CRYBA4: variants seen among roughly 807,000 people sequenced by gnomAD.
The protein encoded by CRYBA4 is beta-crystallin A4.
A neutral mutation model predicts 31.7 loss-of-function variants in CRYBA4; 30 were observed. That is an observed-to-expected ratio of 0.95 (90% CI 0.71 to 1.28). The LOEUF is 1.28. Ranked by LOEUF, CRYBA4 falls within the 50% of genes most tolerant of loss-of-function variation. The pLI, the probability that CRYBA4 is intolerant of heterozygous loss-of-function variation, is 0.00. For missense variants in CRYBA4, 225 were observed against 260.7 expected (o/e 0.86, Z 0.94); for synonymous variants, 102 against 102.3 (o/e 1.00, Z 0.02).
intron 4 of CRYBA4, among the ~76,000 whole-genome samples, chr22:26,627,967 C>G (rs998044937): frequency 6.6e-6 from 1 of 152,132 alleles, no homozygotes; most frequent in Admixed American, 6.6e-5. Flanking sequence ...TTTTTCTTAA[C>G]CACAGTGTAA....
the CRYBA4 span, among the ~76,000 whole-genome samples, chr22:26,597,687 G>C: frequency 6.6e-6 from 1 of 152,248 alleles, no homozygotes; most frequent in East Asian, 1.9e-4. Context: ...ATTAACTGTT[G>C]ATATGGGAAA....
the CRYBA4 span, among the ~76,000 whole-genome samples, chr22:26,593,003 C>A: frequency 6.6e-6 from 1 of 152,148 alleles, no homozygotes; most frequent in East Asian, 1.9e-4. Context: ...ATCTGTCTGT[C>A]ACCTCCTTGA....
chr22:26,615,486 C>G, the CRYBA4 span, among the ~76,000 whole-genome samples: 1 of 152,018 alleles, frequency 6.6e-6, no homozygotes, highest in Non-Finnish European at 1.5e-5. Flanking sequence ...TATTGCACAA[C>G]TCAACTATAG....
the CRYBA4 span, among the ~76,000 whole-genome samples, chr22:26,609,628 A>C: frequency 1.3e-5 from 2 of 152,272 alleles, no homozygotes; most frequent in Admixed American, 6.5e-5. Context: ...GAATGGATGT[A>C]TGTATGGATA....
chr22:26,627,666 T>G (rs983488978), intron 4 of CRYBA4, among the ~76,000 whole-genome samples: 5 of 143,510 alleles, frequency 3.5e-5, no homozygotes, highest in African/African-American at 1.4e-4. Flanking sequence ...TTCTTTCTTT[T>G]GATGGAGTTT....
At chr22:26,613,762 A>G in the CRYBA4 span, among the ~76,000 whole-genome samples, 8 of 152,334 alleles carry the variant, frequency 5.3e-5, no homozygotes, top group African/African-American at 7.2e-5. Context: ...GATAACAGCA[A>G]TTGTTCAGGG....
At chr22:26,620,008 T>C (rs1261611227), upstream of CRYBA4, among the ~76,000 whole-genome samples, 3 of 151,516 alleles carry the variant, frequency 2.0e-5, no homozygotes, top group Non-Finnish European at 4.4e-5. Context: ...CTTTTCTTTT[T>C]TTTTTTTTGC....
At chr22:26,611,941 T>C in the CRYBA4 span, 2 of 750,452 alleles carry the variant, frequency 2.7e-6, no homozygotes, top group Non-Finnish European at 4.9e-6. Context: ...GATATGAGGA[T>C]TGGACATAAT....
Position 26,628,332 on chromosome 22 carries a change from C to T in CRYBA4, c.345C>T (p.Phe115=), listed in dbSNP as rs143888002. The T allele has an allele frequency of 1.0e-4, 164 of 1,613,946 alleles. 2 individuals carry two copies. In the African/African-American group the frequency reaches 2.1e-3, roughly 21 times the overall value. Residue 115 remains phenylalanine (F), a synonymous_variant, in exon 5 of 6, where the codon TTC becomes TTT. Transcript: ENST00000354760. ...TGACAATCTTCGAGCAAGAGAACTT[C>T]CTGGGCAAGAAAGGAGAGCTGAGCG... The part of the protein sequence containing the change: ...SRLTIFEQEN[F]LGKKGELSDD...
At chr22:26,619,112 A>G (rs555981665), upstream of CRYBA4, among the ~76,000 whole-genome samples, 1 of 152,290 alleles carries the variant, frequency 6.6e-6, no homozygotes, top group South Asian at 2.1e-4. Context: ...TGGTGACTCA[A>G]TGGTGGTTCC....
chr22:26,623,151 C>A, intron 2 of CRYBA4, 83 bp from the exon 3 acceptor site: 2 of 1,154,446 alleles, frequency 1.7e-6, no homozygotes, highest in South Asian at 1.2e-5. Flanking sequence ...GCTTTACCTG[C>A]CAGATCCTGG....
intron 3 of CRYBA4, among the ~76,000 whole-genome samples, chr22:26,624,371 G>A (rs947980088): frequency 2.6e-5 from 4 of 152,294 alleles, no homozygotes; most frequent in South Asian, 4.1e-4. Context: ...AGGCAATGTG[G>A]CCAGTAGCTA....
chr22:26,622,940 G>A (rs903191757), intron 2 of CRYBA4, among the ~76,000 whole-genome samples: 2 of 152,162 alleles, frequency 1.3e-5, no homozygotes, highest in African/African-American at 4.8e-5. Flanking sequence ...GCCTTTAAAA[G>A]CCTGGAAGAA....
At chr22:26,626,506 C>G (rs1929709473) in intron 4 of CRYBA4, among the ~76,000 whole-genome samples, 1 of 152,192 alleles carries the variant, frequency 6.6e-6, no homozygotes, top group South Asian at 2.1e-4. Context: ...ACATAAGTCA[C>G]CATATTTACC....
At chr22:26,595,471 C>T in the CRYBA4 span, among the ~76,000 whole-genome samples, 5 of 151,472 alleles carry the variant, frequency 3.3e-5, no homozygotes, top group Admixed American at 2.6e-4. Flanking sequence ...CCCAGCTACT[C>T]GGGAGGCTGA....
intron 4 of CRYBA4, among the ~76,000 whole-genome samples, chr22:26,627,632 C>CT (rs1305527584): frequency 2.1e-4 from 28 of 131,530 alleles, no homozygotes; most frequent in African/African-American, 7.8e-4. Context: ...TTCCTTCCTT[C>CT]CTTCTCTCTC....
the CRYBA4 span, among the ~76,000 whole-genome samples, chr22:26,602,967 C>G: frequency 4.6e-5 from 7 of 150,696 alleles, no homozygotes; most frequent in South Asian, 2.1e-4. Flanking sequence ...ACTAAAAATA[C>G]AAAAAAAATT....
upstream of CRYBA4, chr22:26,621,929 C>T (rs931073050): frequency 1.0e-6 from 1 of 984,700 alleles, no homozygotes; most frequent in Non-Finnish European, 1.2e-6. Context: ...CCCTCCCTGC[C>T]TATAAGAGCC....
upstream of CRYBA4, chr22:26,621,928 C>T: frequency 4.1e-6 from 4 of 984,022 alleles, no homozygotes; most frequent in Non-Finnish European, 4.8e-6. Flanking sequence ...TCCCTCCCTG[C>T]CTATAAGAGC....
Sources: allele counts gnomAD v4.1 joint callset (sites outside exome capture counted in the v4.1 genomes callset), GRCh38; gene constraint gnomAD v4.1.1; transcripts MANE v1.5; gene names NCBI Gene and HGNC (gene_info 2026-07-23, HGNC 2026-07-21).